Variants in KPTN observed in about 807,000 individuals in gnomAD.
The protein encoded by KPTN is kaptin, actin binding protein.
Under a neutral mutation model 52.6 loss-of-function variants are expected in KPTN, and 36 were observed. The ratio of observed to expected loss-of-function variants is 0.68; its 90% CI spans 0.52 to 0.90. The LOEUF (loss-of-function observed/expected upper bound fraction) is 0.90, where lower values mean the gene tolerates loss of function less well. KPTN is among the 40% of genes least tolerant of loss of function. The pLI is 0.00. For synonymous variants in KPTN, 271 were observed against 248.4 expected (o/e 1.09, Z -0.85); for missense variants, 529 against 576.2 (o/e 0.92, Z 0.84).
Position 47,475,448 on chromosome 19 carries a change from C to T in KPTN, c.1279G>A (p.Gly427Ser), listed in dbSNP as rs753702331. 16 of 1,613,114 alleles carry T rather than the reference C, an allele frequency of 9.9e-6. No individual in the cohort carries two copies. The Admixed American group carries it at 1.3e-4, about 13-fold the overall frequency. ...GCTGCATTCTCAGCAGGCCCTGCAC[C>T]TGCCCCGTCCTCCAACCCCTGTAGC... ...RRLQGLEDGA[G>S]AGPAENAAS The change falls in exon 12 of 12, where the codon GGT (glycine) becomes AGT (serine). Residue 427 changes from glycine (G) to serine (S), a missense_variant. Gly to Ser is a moderately conservative substitution (Grantham distance 56, BLOSUM62 0). Coordinates refer to ENST00000338134, the MANE Select transcript of KPTN (RefSeq NM_007059.4).
rs143523450 is a variant in KPTN at position 47,475,355 on chromosome 19, C to T, written c.*61G>A. The T allele has an allele frequency of 1.2e-4, 181 of 1,572,822 alleles. 3 individuals carry two copies. The African/African-American group carries it at 1.4e-3, about 12-fold the overall frequency. ...TGTCCTTCAGGACACCCCCCACCAG[C>T]GGCTGGAGGTGAGCACGCCATGAGT... is the stretch of plus-strand genomic sequence containing the variant. On this transcript the variant is annotated 3_prime_UTR_variant, in exon 12 of 12. Transcript: ENST00000338134.
At chr19:47,483,079 TC>T in intron 4 of KPTN, 81 bp downstream of exon 4, 1 of 1,289,520 alleles carries the variant, frequency 7.8e-7, no homozygotes, top group Non-Finnish European at 1.1e-6. Flanking sequence ...ACTACAGGGG[TC>T]TGTAAGTAAA....
chr19:47,480,436 A>C (rs1011298351), intron 6 of KPTN, 29 bp from the exon 7 acceptor site: 2 of 1,486,716 alleles, frequency 1.3e-6, no homozygotes, highest in Non-Finnish European at 1.8e-6. Context: ...GACAGGACGG[A>C]CGGCCATTGC....
upstream of KPTN, among the ~76,000 whole-genome samples, chr19:47,484,706 A>ATTT (rs35425298): frequency 1.2e-4 from 15 of 129,142 alleles, no homozygotes; most frequent in African/African-American, 3.3e-4. Flanking sequence ...ACAGTTCACT[A>ATTT]TTTTTTTTTT....
chr19:47,477,026 C>A, intron 9 of KPTN, 88 bp from the exon 10 acceptor site: 1 of 1,372,670 alleles, frequency 7.3e-7, no homozygotes, highest in Non-Finnish European at 9.9e-7. Context: ...ACCGGTACTG[C>A]TTCCCTTCTC....
rs779998936 is a variant in KPTN at position 47,483,201 on chromosome 19, G to A, written c.409C>T (p.Leu137=). 1.2e-6 allele frequency: 2 copies of A among 1,614,074 alleles called. No homozygotes were observed. Among genetic ancestry groups the A allele is most frequent in the African/African-American group, 2.7e-5 (2 of 75,048 alleles). Residue 137 remains leucine (L), a synonymous_variant, in exon 4 of 12, where the codon CTG becomes TTG. Coordinates refer to ENST00000338134, the MANE Select transcript of KPTN (RefSeq NM_007059.4). ...TGGAACGGAGTGAACTGGAGCTCCA[G>A]GTTCAGGCAGCTCTCTGTAGGCAGG... ...LDSIAQSCLN[L]ELQFTPFQLC... is the part of the protein sequence containing the mutation.
rs374874554 is a variant in KPTN at position 47,475,552 on chromosome 19, G to A, written c.1183-8C>T. ...GGCCTGAATCAGGCTGTGCTGTGGGGAACAAGAGAATGAGGGGGATGGAGC... is the reference window on the plus strand; with the variant it reads ...GGCCTGAATCAGGCTGTGCTGTGGGAAACAAGAGAATGAGGGGGATGGAGC... On this transcript the variant is annotated splice_polypyrimidine_tract_variant and splice_region_variant and intron_variant, in intron 11 of 11. Coordinates refer to ENST00000338134, the MANE Select transcript of KPTN (RefSeq NM_007059.4). 36 of 1,611,086 alleles carry A rather than the reference G, an allele frequency of 2.2e-5. No individual in the cohort carries two copies. Among genetic ancestry groups the A allele is most frequent in the Non-Finnish European group, 3.0e-5 (35 of 1,177,946 alleles).
At chr19:47,476,475 C>T in intron 11 of KPTN, 57 bp downstream of exon 11, 4 of 1,472,984 alleles carry the variant, frequency 2.7e-6, no homozygotes, top group Non-Finnish European at 3.7e-6. Context: ...GAGGCCTGCA[C>T]CCCCTGCTCG....
upstream of KPTN, chr19:47,484,257 G>A: frequency 7.1e-7 from 1 of 1,399,352 alleles, no homozygotes; most frequent in Non-Finnish European, 9.5e-7. Flanking sequence ...GTGCCCGGCC[G>A]TTGCGCGGGC....
In KPTN at chr19:47,483,000, C is replaced by G; in HGVS notation, c.449+161G>C. 4 of 749,966 alleles carry G rather than the reference C, an allele frequency of 5.3e-6. No homozygotes were observed. In the South Asian group the frequency reaches 6.3e-5, roughly 12 times the overall value. The allele number at this position is 749,966 out of a possible 1,614,324, so 46.5% of individuals were successfully genotyped here. ...GGGATTACAGGTGTGAGCCACCGTG[C>G]CCGGCTGGCATTTTAGTTTTCAATC... is the stretch of plus-strand genomic sequence containing the variant. On this transcript the variant is annotated intron_variant, in intron 4 of 11. Coordinates refer to ENST00000338134, the MANE Select transcript of KPTN (RefSeq NM_007059.4).
chr19:47,481,013 A>C lies in KPTN; in HGVS notation c.470T>G (p.Leu157Arg). 1 of 1,588,882 alleles carries C rather than the reference A, an allele frequency of 6.3e-7. No homozygotes were observed. The highest frequency in any genetic ancestry group is 8.6e-7 in the Non-Finnish European group (1 of 1,166,448). Residue 157 changes from leucine (L) to arginine (R), a missense_variant, in exon 5 of 12, where the codon CTT becomes CGT. Coordinates refer to ENST00000338134, the MANE Select transcript of KPTN (RefSeq NM_007059.4). ...CHAEVQVGDQ[L>R]ETVFLLSGND... ...CCCACTCAAGAGAAACACAGTCTCAAGTTGATCCCCGACCTGGACCCTGAA... is the reference window on the plus strand; with the variant it reads ...CCCACTCAAGAGAAACACAGTCTCACGTTGATCCCCGACCTGGACCCTGAA...
chr19:47,476,580 C>T lies in KPTN; in HGVS notation c.1134G>A (p.Gly378=). ...GGGAGACCACGGCAAGCTCCTGCAG[C>T]CCATCCCCGGTCAGGTCCACGTGAG... is the stretch of plus-strand genomic sequence containing the variant. ...AMAHVDLTGD[G]LQELAVVSLK... is the part of the protein sequence containing the mutation. The change falls in exon 11 of 12, where the codon GGG becomes GGA. Residue 378 remains glycine, a synonymous_variant. Transcript: ENST00000338134. 2 of 1,611,912 alleles carry T rather than the reference C, an allele frequency of 1.2e-6. No homozygotes were observed. Among genetic ancestry groups the T allele is most frequent in the Non-Finnish European group, 1.7e-6 (2 of 1,179,654 alleles).
intron 11 of KPTN, 41 bp from the exon 12 acceptor site, chr19:47,475,585 G>A: frequency 6.2e-7 from 1 of 1,604,720 alleles, no homozygotes; most frequent in Non-Finnish European, 8.5e-7. Flanking sequence ...AGCTGAGGAA[G>A]AGCTGTGGGA....
chr19:47,480,226 C>T lies in KPTN; in HGVS notation c.709+72G>A, dbSNP rs958438433. 71 of 974,048 alleles carry T rather than the reference C, an allele frequency of 7.3e-5. No individual in the cohort carries two copies. The African/African-American group carries it at 1.2e-3, about 16-fold the overall frequency. 60.3% of individuals were successfully genotyped at this position (974,048 alleles called of 1,614,324 possible). ...CTCCCCTACCCCACCCAGCTCCAGCCCTCAGCCCCACCCTGGCCCCGCCCT... is the reference window on the plus strand; with the variant it reads ...CTCCCCTACCCCACCCAGCTCCAGCTCTCAGCCCCACCCTGGCCCCGCCCT... On this transcript the variant is annotated intron_variant, in intron 7 of 11. Coordinates refer to ENST00000338134, the MANE Select transcript of KPTN (RefSeq NM_007059.4).
chr19:47,478,283 G>A (rs897705077), intron 8 of KPTN, among the ~76,000 whole-genome samples: 1 of 151,810 alleles, frequency 6.6e-6, no homozygotes, highest in Non-Finnish European at 1.5e-5. Context: ...TTAGATGATG[G>A]CTTAAAAAGT....
intron 11 of KPTN, 195 bp downstream of exon 11, chr19:47,476,337 A>G (rs1599867708): frequency 6.0e-6 from 2 of 331,662 alleles, no homozygotes; most frequent in East Asian, 7.6e-5. Context: ...AAATAAATAA[A>G]TCTCCTTCAC....
chr19:47,482,489 A>G (rs1967913830), intron 4 of KPTN, among the ~76,000 whole-genome samples: 2 of 151,056 alleles, frequency 1.3e-5, no homozygotes, highest in African/African-American at 2.4e-5. Context: ...TCAAAAAAAA[A>G]AAAAAAGAAA....
upstream of KPTN, chr19:47,484,321 C>T (rs1048769730): frequency 4.3e-6 from 4 of 939,904 alleles, no homozygotes; most frequent in South Asian, 1.8e-5. Flanking sequence ...GCGGCCAGGT[C>T]GCCTGCTCGG....
chr19:47,479,819 C>T (rs1967801008), intron 8 of KPTN, 44 bp downstream of exon 8: 1 of 1,525,868 alleles, frequency 6.6e-7, no homozygotes. Context: ...TTGCCTCTTC[C>T]CTCCCACCCG....
Sources: allele counts gnomAD v4.1 joint callset (sites outside exome capture counted in the v4.1 genomes callset), GRCh38; gene constraint gnomAD v4.1.1; transcripts MANE v1.5; gene names NCBI Gene and HGNC (gene_info 2026-07-23, HGNC 2026-07-21).